DGCR2: variants seen among roughly 807,000 people sequenced by gnomAD.
DGCR2 encodes integral membrane protein DGCR2/IDD.
Under a neutral mutation model 51.6 loss-of-function variants are expected in DGCR2, and 24 were observed. That is an observed-to-expected ratio of 0.47 (90% confidence interval 0.34 to 0.65). The LOEUF is 0.65. Ranked by LOEUF, DGCR2 falls within the 30% of genes least tolerant of loss-of-function variation. The pLI, the probability that DGCR2 is intolerant of heterozygous loss-of-function variation, is 0.01. For synonymous variants in DGCR2, 340 were observed against 315.4 expected (o/e 1.08, Z -0.82); for missense variants, 765 against 772.1 (o/e 0.99, Z 0.11).
chr22:19,076,007 G>T (rs2145987758), intron 2 of DGCR2, among the ~76,000 whole-genome samples: 1 of 151,902 alleles, frequency 6.6e-6, no homozygotes, highest in South Asian at 2.1e-4. Flanking sequence ...CGCCCAAGCT[G>T]GAGTGCAGTG....
At chr22:19,119,800 C>G (rs2083412325) in intron 1 of DGCR2, among the ~76,000 whole-genome samples, 1 of 150,688 alleles carries the variant, frequency 6.6e-6, no homozygotes, top group Admixed American at 6.6e-5. Flanking sequence ...TGCCCCATAA[C>G]TCCATGAAAG....
chr22:19,099,827 T>C (rs2083181833), intron 1 of DGCR2, among the ~76,000 whole-genome samples: 1 of 151,660 alleles, frequency 6.6e-6, no homozygotes, highest in Admixed American at 6.6e-5. Flanking sequence ...AAAAATTAGC[T>C]GGGCATGGTG....
chr22:19,063,743 G>A (rs1238569905), intron 4 of DGCR2, among the ~76,000 whole-genome samples: 5 of 152,020 alleles, frequency 3.3e-5, no homozygotes, highest in Admixed American at 6.5e-5. Flanking sequence ...TTATCTCAGG[G>A]AACTCTTGCC....
At chr22:19,119,721 G>A (rs989348890) in intron 1 of DGCR2, among the ~76,000 whole-genome samples, 1 of 132,538 alleles carries the variant, frequency 7.5e-6, no homozygotes, top group South Asian at 2.6e-4. Flanking sequence ...GAGCAACAGA[G>A]CAGGACTCTG....
At chr22:19,107,725 T>C (rs1684611097) in intron 1 of DGCR2, among the ~76,000 whole-genome samples, 1 of 152,204 alleles carries the variant, frequency 6.6e-6, no homozygotes, top group Admixed American at 6.5e-5. Flanking sequence ...AATCAGTCCT[T>C]ATTTCATGGG....
intron 1 of DGCR2, among the ~76,000 whole-genome samples, chr22:19,092,996 A>G (rs1012920112): frequency 4.2e-5 from 6 of 144,268 alleles, no homozygotes; most frequent in African/African-American, 1.6e-4. Flanking sequence ...GAAAGAAGAG[A>G]AGAAGGAGGA....
intron 7 of DGCR2, chr22:19,047,119 G>A (rs1005185023): frequency 1.3e-5 from 2 of 152,612 alleles, no homozygotes; most frequent in South Asian, 4.1e-4. Flanking sequence ...TATACGAGGA[G>A]AAACTGCCCT....
At chr22:19,062,917 T>G in intron 5 of DGCR2, among the ~76,000 whole-genome samples, 1 of 152,060 alleles carries the variant, frequency 6.6e-6, no homozygotes, top group Non-Finnish European at 1.5e-5. Context: ...CTCATTTTTA[T>G]ACTCCAAGGT....
chr22:19,083,710 T>G (rs1445804086), intron 2 of DGCR2, among the ~76,000 whole-genome samples: 1 of 36,640 alleles, frequency 2.7e-5, no homozygotes, highest in Non-Finnish European at 5.5e-5. Flanking sequence ...CCCCTCCCCC[T>G]CTCCCTCTCC....
chr22:19,095,019 G>A (rs997394349), intron 1 of DGCR2, among the ~76,000 whole-genome samples: 1 of 152,158 alleles, frequency 6.6e-6, no homozygotes, highest in African/African-American at 2.4e-5. Context: ...GATACGCTGT[G>A]TTTGTTATCT....
rs2082370475 is a variant in DGCR2 at position 19,036,520 on chromosome 22, G to C, written c.*2345C>G. The C allele has an allele frequency of 6.6e-6, 1 of 152,590 alleles. No homozygotes were observed. 9.5% of individuals were successfully genotyped at this position (152,590 alleles called of 1,614,324 possible). ...AGGAGGAGGACCCCTGGAGCACAAGGTTCAGCAAGGGTGACCCCGGGACTT... is the reference window on the plus strand; with the variant it reads ...AGGAGGAGGACCCCTGGAGCACAAGCTTCAGCAAGGGTGACCCCGGGACTT... On this transcript the variant is annotated 3_prime_UTR_variant, in exon 10 of 10. Coordinates refer to ENST00000263196, the MANE Select transcript of DGCR2 (RefSeq NM_005137.3).
rs1487259563 is a variant in DGCR2, at chr22:19,041,241, C to T, written c.1213G>A (p.Gly405Arg). Residue 405 changes from glycine to arginine, a missense_variant, in exon 9 of 10, where the codon GGG (glycine) becomes AGG (arginine). Gly to Arg is a moderately radical substitution (Grantham distance 125). Transcript: ENST00000263196. ...AGCGGCGTGAGGCCCGTGCCAAACC[C>T]GTCTGGGCCGTAATCAAAGCCAGGG... ...RIPGFDYGPD[G>R]FGTGLTPLHL... 12 of 1,613,984 alleles carry T rather than the reference C, an allele frequency of 7.4e-6. No homozygotes were observed. The highest frequency in any genetic ancestry group is 3.3e-5 in the Admixed American group (2 of 59,998).
intron 6 of DGCR2, chr22:19,056,418 C>T (rs559247310): frequency 6.3e-5 from 31 of 493,852 alleles, no homozygotes; most frequent in African/African-American, 3.6e-4. Context: ...CCCCAACCTG[C>T]GCACAGCTGC....
Position 19,122,133 on chromosome 22 carries a change from C to T in DGCR2, c.74G>A (p.Arg25Gln). 2.0e-6 allele frequency: 3 copies of T among 1,495,532 alleles called. No individual in the cohort carries two copies. The allele number at this position is 1,495,532 out of a possible 1,614,324, so 92.6% of individuals were successfully genotyped here. A position where few individuals can be genotyped will look rare whatever the true frequency, so the allele number is the denominator to read the frequency against. ...GCCCCCATCGCGCGGCGCACCTGGC[C>T]GCAGCGGCTCGGTGACAGTGAGCAC... Reference protein sequence around the residue: ...LLVLTVTEPLRPELRCNPGQF... With the variant: ...LLVLTVTEPLQPELRCNPGQF... The change falls in exon 1 of 10, where the codon CGG (arginine) becomes CAG (glutamine). Residue 25 changes from arginine (R) to glutamine (Q), a missense_variant. Physicochemically the swap from Arg to Gln is conservative, Grantham distance 43. Coordinates refer to ENST00000263196, the MANE Select transcript of DGCR2 (RefSeq NM_005137.3).
intron 1 of DGCR2, among the ~76,000 whole-genome samples, chr22:19,118,619 C>T (rs1032208403): frequency 9.9e-5 from 15 of 152,142 alleles, no homozygotes; most frequent in East Asian, 1.9e-4. Flanking sequence ...AGAAGGAAGA[C>T]GACCTTCTAG....
chr22:19,085,278 T>C (rs968734394), intron 2 of DGCR2, among the ~76,000 whole-genome samples: 1 of 152,188 alleles, frequency 6.6e-6, no homozygotes, highest in Non-Finnish European at 1.5e-5. Flanking sequence ...CCACAGTCAT[T>C]GTCAAGAGTC....
chr22:19,087,678 CT>C (rs35513614), intron 2 of DGCR2, among the ~76,000 whole-genome samples: 4,091 of 120,210 alleles, frequency 0.034, 80 homozygotes, highest in South Asian at 0.07. Flanking sequence ...CTGCACCTGG[CT>C]TTTTTTTTTT....
At chr22:19,039,214 G>T in intron 9 of DGCR2, 93 bp from the exon 10 acceptor site, 1 of 1,496,804 alleles carries the variant, frequency 6.7e-7, no homozygotes, top group South Asian at 1.3e-5. Context: ...CACTCCTCCT[G>T]CCTGAAGGCC....
rs963275462 is a variant in DGCR2, at chr22:19,038,787, C to T, written c.*78G>A. 2.0e-5 allele frequency: 31 copies of T among 1,554,104 alleles called. No homozygotes were observed. In the South Asian group the frequency reaches 3.4e-4, roughly 17 times the overall value. ...GTGGCGTCCAGGCTGGGACAGGGGC[C>T]TTTCAAGTCTCCCCAGGGACCGGTG... On this transcript the variant is annotated 3_prime_UTR_variant, in exon 10 of 10. Transcript: ENST00000263196.
Sources: gnomAD v4.1 joint callset for allele counts (sites outside exome capture counted in the v4.1 genomes callset) on GRCh38, gnomAD v4.1.1 for gene constraint, MANE v1.5 for transcripts, NCBI Gene and HGNC (gene_info 2026-07-23, HGNC 2026-07-21) for gene names.